Variants in ZDHHC14 observed in about 807,000 individuals in gnomAD.
The protein encoded by ZDHHC14 is palmitoyltransferase ZDHHC14.
In ZDHHC14, 16 loss-of-function variants were observed where a neutral mutation model predicts 47.7. The ratio of observed to expected loss-of-function variants is 0.34; its 90% CI spans 0.23 to 0.51. The LOEUF is 0.51. Ranked by LOEUF, ZDHHC14 falls within the 20% of genes least tolerant of loss-of-function variation. The pLI is 0.97. For missense variants in ZDHHC14, 515 were observed against 662.5 expected (o/e 0.78, Z 2.44); for synonymous variants, 293 against 278.9 (o/e 1.05, Z -0.50).
At chr6:157,496,468 A>G (rs970791925) in intron 1 of ZDHHC14, among the ~76,000 whole-genome samples, 2 of 152,202 alleles carry the variant, frequency 1.3e-5, no homozygotes, top group Non-Finnish European at 2.9e-5. Flanking sequence ...TATTTGGGAC[A>G]TTGGTTCTTT....
In ZDHHC14 at chr6:157,443,230, T is replaced by A. The variant is rs577783392; in HGVS notation, c.245+60964T>A. ...TCCTGCTGCCTTATGAAGAAGGTGC[T>A]GCTTCCCCTTCCACCATGATTGTAA... On this transcript the variant is annotated intron_variant, in intron 1 of 8. Transcript: ENST00000359775. Among the ~76,000 whole-genome samples, 14 of 152,342 alleles carry A rather than the reference T, an allele frequency of 9.2e-5. 1 individual carries two copies. The South Asian group carries it at 1.9e-3, about 20-fold the overall frequency.
chr6:157,416,846 G>T (rs142077022), intron 1 of ZDHHC14, among the ~76,000 whole-genome samples: 2 of 145,946 alleles, frequency 1.4e-5, no homozygotes, highest in Admixed American at 7.0e-5. Flanking sequence ...TCGAACTGTC[G>T]CTCAGGCTGG....
chr6:157,644,655 C>T (rs538087646), intron 5 of ZDHHC14, among the ~76,000 whole-genome samples: 1 of 152,364 alleles, frequency 6.6e-6, no homozygotes, highest in Non-Finnish European at 1.5e-5. Context: ...GATGAATTAT[C>T]TCCAGCCTGG....
intron 1 of ZDHHC14, among the ~76,000 whole-genome samples, chr6:157,466,834 TCAAAAAA>T (rs949176755): frequency 1.6e-4 from 24 of 151,588 alleles, no homozygotes; most frequent in Non-Finnish European, 2.6e-4. Context: ...AGACTCTTTC[TCAAAAAA>T]CAAAAAACAA....
At chr6:157,573,080 C>T (rs1219682695) in intron 2 of ZDHHC14, among the ~76,000 whole-genome samples, 6 of 152,122 alleles carry the variant, frequency 3.9e-5, no homozygotes, top group East Asian at 1.9e-4. Context: ...TGTTTTCTAA[C>T]GAAATTACCC....
intron 1 of ZDHHC14, among the ~76,000 whole-genome samples, chr6:157,416,017 A>G (rs1777965686): frequency 6.6e-6 from 1 of 152,196 alleles, no homozygotes; most frequent in Admixed American, 6.5e-5. Context: ...TTAAAAGTAA[A>G]CCTGGGAGGC....
At chr6:157,656,069 G>T (rs989219880) in intron 8 of ZDHHC14, among the ~76,000 whole-genome samples, 1 of 152,202 alleles carries the variant, frequency 6.6e-6, no homozygotes, top group Non-Finnish European at 1.5e-5. Flanking sequence ...AAATGGGGAG[G>T]TCGTTTTACT....
At chr6:157,429,599 G>A (rs1001693593) in intron 1 of ZDHHC14, among the ~76,000 whole-genome samples, 4 of 142,014 alleles carry the variant, frequency 2.8e-5, no homozygotes, top group Admixed American at 7.0e-5. Context: ...GGGAGGGAGG[G>A]AGAGAAGGAG....
chr6:157,403,173 GAGAAAATGTAAATTGAATTTC>G (rs1777679517), intron 1 of ZDHHC14, among the ~76,000 whole-genome samples: 1 of 152,154 alleles, frequency 6.6e-6, no homozygotes, highest in African/African-American at 2.4e-5. Context: ...TAGCACATCA[GAGAAAATGTAAATTGAATTTC>G]TAACAAGCAC....
At chr6:157,562,056 C>T (rs754342941) in intron 2 of ZDHHC14, among the ~76,000 whole-genome samples, 1 of 152,170 alleles carries the variant, frequency 6.6e-6, no homozygotes, top group Non-Finnish European at 1.5e-5. Context: ...TTCAGTTCCT[C>T]AACTCACACA....
At position 157,542,760 on chromosome 6, in the gene ZDHHC14, C is replaced by G. The variant is rs1562471415; in HGVS notation, c.406+15C>G. The G allele has an allele frequency of 4.3e-6, 7 of 1,612,652 alleles. No homozygotes were observed. Among genetic ancestry groups the G allele is most frequent in the Non-Finnish European group, 5.9e-6 (7 of 1,179,258 alleles). ...AAGGCAAATAGGTAACACTGAAAGT[C>G]TGCCCATGGCCTCTGGTCACTTCCC... On this transcript the variant is annotated intron_variant, in intron 2 of 8. Coordinates refer to ENST00000359775, the MANE Select transcript of ZDHHC14 (RefSeq NM_024630.3).
chr6:157,643,361 G>A (rs551208973), intron 5 of ZDHHC14, among the ~76,000 whole-genome samples: 1 of 152,226 alleles, frequency 6.6e-6, no homozygotes, highest in African/African-American at 2.4e-5. Flanking sequence ...AAGCACATGA[G>A]ATATTAATAG....
chr6:157,579,004 G>A (rs1342791976), intron 2 of ZDHHC14, among the ~76,000 whole-genome samples: 2 of 152,102 alleles, frequency 1.3e-5, no homozygotes, highest in Non-Finnish European at 2.9e-5. Context: ...CAGGTAATGT[G>A]ATGCTTCCAG....
intron 1 of ZDHHC14, among the ~76,000 whole-genome samples, chr6:157,391,391 C>T (rs1012753048): frequency 2.6e-5 from 4 of 152,168 alleles, no homozygotes; most frequent in Non-Finnish European, 4.4e-5. Flanking sequence ...CTCAGAATGA[C>T]TTTCTCAGTT....
intron 1 of ZDHHC14, among the ~76,000 whole-genome samples, chr6:157,462,340 A>T (rs374481591): frequency 2.0e-5 from 3 of 152,348 alleles, no homozygotes; most frequent in Admixed American, 6.5e-5. Flanking sequence ...CACAAGATGA[A>T]CACTAACTGG....
rs1164103921 is a variant in ZDHHC14 at position 157,381,618 on chromosome 6, C to T, written c.-404C>T. 8 of 312,530 alleles carry T rather than the reference C, an allele frequency of 2.6e-5. No homozygotes were observed. Among genetic ancestry groups the T allele is most frequent in the Non-Finnish European group, 4.5e-5 (7 of 154,410 alleles). 19.4% of individuals were successfully genotyped at this position (312,530 alleles called of 1,614,324 possible). ...CCTCGTGTCCCCTCGGGGCGCAGTG[C>T]TCGGGGGTCGGCGGGCCAGAGCCGA... On this transcript the variant is annotated 5_prime_UTR_variant, in exon 1 of 9. Coordinates refer to ENST00000359775, the MANE Select transcript of ZDHHC14 (RefSeq NM_024630.3).
At chr6:157,533,956 A>T (rs1278167548) in intron 1 of ZDHHC14, among the ~76,000 whole-genome samples, 1 of 152,240 alleles carries the variant, frequency 6.6e-6, no homozygotes, top group African/African-American at 2.4e-5. Context: ...TGAAATAAAG[A>T]TCCCTTGTGG....
In ZDHHC14 at chr6:157,627,895, C is replaced by T. The variant is rs148614446; in HGVS notation, c.566-454C>T. 9.0e-3 allele frequency among the ~76,000 whole-genome samples: 1,375 copies of T among 152,290 alleles called. 71 individuals carry two copies. The East Asian group carries it at 0.15, about 17-fold the overall frequency. ...ATTGTCCCTCTGTCCTGTCCCAGGC[C>T]CCTTGTGGCCTCTCTCTATGGCCAT... is the stretch of plus-strand genomic sequence containing the variant. On this transcript the variant is annotated intron_variant, in intron 3 of 8. Transcript: ENST00000359775.
chr6:157,447,492 G>A (rs1778704010), intron 1 of ZDHHC14, among the ~76,000 whole-genome samples: 1 of 152,228 alleles, frequency 6.6e-6, no homozygotes, highest in Non-Finnish European at 1.5e-5. Flanking sequence ...GGGACTGAGG[G>A]AGGGTCGGGG....
Sources: allele counts gnomAD v4.1 joint callset (sites outside exome capture counted in the v4.1 genomes callset), GRCh38; gene constraint gnomAD v4.1.1; transcripts MANE v1.5; gene names NCBI Gene and HGNC (gene_info 2026-07-23, HGNC 2026-07-21).